Variants in PABPC4L observed in about 807,000 individuals in gnomAD.
PABPC4L encodes the protein poly(A) binding protein cytoplasmic 4 like.
For synonymous variants in PABPC4L, 169 were observed against 164.1 expected (o/e 1.03, Z -0.23); for missense variants, 452 against 451.4 (o/e 1.00, Z -0.01).
At chr4:134,055,415 A>G in the PABPC4L span, among the ~76,000 whole-genome samples, 1 of 151,850 alleles carries the variant, frequency 6.6e-6, no homozygotes, top group African/African-American at 2.4e-5. Flanking sequence ...TCGTGTAGGG[A>G]CACAATGAGA....
At chr4:133,951,945 T>C in the PABPC4L span, among the ~76,000 whole-genome samples, 1 of 152,186 alleles carries the variant, frequency 6.6e-6, no homozygotes, top group Non-Finnish European at 1.5e-5. Context: ...TATTCCAATA[T>C]TCTTTCTGAG....
At chr4:134,007,699 G>A in the PABPC4L span, among the ~76,000 whole-genome samples, 81 of 151,584 alleles carry the variant, frequency 5.3e-4, no homozygotes, top group South Asian at 0.012. Context: ...AGATCTTTTT[G>A]TATAAATAAT....
chr4:134,023,774 A>C, the PABPC4L span, among the ~76,000 whole-genome samples: 1 of 152,094 alleles, frequency 6.6e-6, no homozygotes, highest in Non-Finnish European at 1.5e-5. Flanking sequence ...TGAATAAAGA[A>C]TATTATTATT....
chr4:134,162,477 G>A, the PABPC4L span, among the ~76,000 whole-genome samples: 1 of 152,022 alleles, frequency 6.6e-6, no homozygotes, highest in Admixed American at 6.5e-5. Flanking sequence ...CGTCAACAAA[G>A]AAACACTGGA....
At chr4:133,967,187 G>C in the PABPC4L span, among the ~76,000 whole-genome samples, 1 of 151,972 alleles carries the variant, frequency 6.6e-6, no homozygotes, top group South Asian at 2.1e-4. Context: ...AAAGTGTTGA[G>C]AGGGCCAGGC....
chr4:134,193,959 CT>C (rs1278885213), downstream of PABPC4L, among the ~76,000 whole-genome samples: 1 of 151,720 alleles, frequency 6.6e-6, no homozygotes, highest in African/African-American at 2.4e-5. Flanking sequence ...TTATAGTCAC[CT>C]GTATAGTGAA....
chr4:133,961,388 C>T, the PABPC4L span, among the ~76,000 whole-genome samples: 1 of 152,010 alleles, frequency 6.6e-6, no homozygotes. Flanking sequence ...ATCCCTAAGC[C>T]TAGCTGGGAA....
chr4:134,167,674 C>T, the PABPC4L span, among the ~76,000 whole-genome samples: 1 of 151,402 alleles, frequency 6.6e-6, no homozygotes, highest in Non-Finnish European at 1.5e-5. Flanking sequence ...AGACAAAAAT[C>T]TGTAAAAAGA....
the PABPC4L span, among the ~76,000 whole-genome samples, chr4:134,060,150 C>T: frequency 2.0e-5 from 3 of 152,026 alleles, no homozygotes; most frequent in Admixed American, 6.6e-5. Flanking sequence ...GCATTTAGAC[C>T]AGCTCTCACC....
At chr4:134,174,026 T>G in the PABPC4L span, among the ~76,000 whole-genome samples, 1 of 152,084 alleles carries the variant, frequency 6.6e-6, no homozygotes, top group Admixed American at 6.6e-5. Context: ...TTTTCTTTCT[T>G]TATATCCTTA....
the PABPC4L span, among the ~76,000 whole-genome samples, chr4:134,097,987 A>G: frequency 1.3e-5 from 2 of 151,780 alleles, no homozygotes; most frequent in African/African-American, 4.8e-5. Flanking sequence ...AGGTTCAGAA[A>G]TGCATTTAAT....
At chr4:134,132,127 G>GA in the PABPC4L span, among the ~76,000 whole-genome samples, 2 of 151,950 alleles carry the variant, frequency 1.3e-5, no homozygotes, top group East Asian at 1.9e-4. Context: ...GATAATATCA[G>GA]AAAAAACCCT....
the PABPC4L span, among the ~76,000 whole-genome samples, chr4:134,083,999 T>C: frequency 6.6e-6 from 1 of 152,192 alleles, no homozygotes; most frequent in African/African-American, 2.4e-5. Context: ...GGCTTTTATT[T>C]TGTGAAATCA....
the PABPC4L span, among the ~76,000 whole-genome samples, chr4:134,128,245 T>A: frequency 7.9e-5 from 12 of 152,158 alleles, no homozygotes; most frequent in African/African-American, 2.9e-4. Flanking sequence ...TTTGAGGGAA[T>A]AATTGTGGAA....
the PABPC4L span, among the ~76,000 whole-genome samples, chr4:133,950,684 C>T: frequency 1.8e-4 from 27 of 152,126 alleles, no homozygotes; most frequent in Non-Finnish European, 3.2e-4. Flanking sequence ...CTTAATACTA[C>T]CTTAGAGATA....
At chr4:134,162,732 T>C in the PABPC4L span, among the ~76,000 whole-genome samples, 6 of 152,074 alleles carry the variant, frequency 3.9e-5, no homozygotes, top group Admixed American at 2.6e-4. Flanking sequence ...TAGAAATACA[T>C]GGAAATTAAT....
At chr4:133,958,462 T>C in the PABPC4L span, among the ~76,000 whole-genome samples, 1 of 152,212 alleles carries the variant, frequency 6.6e-6, no homozygotes, top group Non-Finnish European at 1.5e-5. Context: ...CCTTCGCTTG[T>C]TACCTAGTTT....
chr4:134,194,169 T>C (rs1729589793), downstream of PABPC4L, among the ~76,000 whole-genome samples: 2 of 151,890 alleles, frequency 1.3e-5, no homozygotes, highest in African/African-American at 2.4e-5. Context: ...AGTTTTATTT[T>C]GCTCCTCTAA....
At chr4:134,164,135 C>T in the PABPC4L span, among the ~76,000 whole-genome samples, 30,590 of 147,906 alleles carry the variant, frequency 0.21, 3,935 homozygotes, top group Non-Finnish European at 0.27. Context: ...TAGTGGCGGG[C>T]GCCTGTAGTC....
Sources: gnomAD v4.1 joint callset for allele counts (sites outside exome capture counted in the v4.1 genomes callset) on GRCh38, gnomAD v4.1.1 for gene constraint, MANE v1.5 for transcripts, NCBI Gene and HGNC (gene_info 2026-07-23, HGNC 2026-07-21) for gene names.